Variants in RASL12 observed in about 807,000 individuals in gnomAD.
The protein encoded by RASL12 is ras-like protein family member 12.
In RASL12, 16 loss-of-function variants were observed where a neutral mutation model predicts 22.9. That is an observed-to-expected ratio of 0.70 (90% CI 0.47 to 1.06). The LOEUF is 1.06. RASL12 is among the 50% of genes least tolerant of loss of function. The pLI is 0.00. For synonymous variants in RASL12, 159 were observed against 152.2 expected (o/e 1.04, Z -0.33); for missense variants, 306 against 353.1 (o/e 0.87, Z 1.07).
At chr15:65,052,836 C>A, downstream of RASL12, 1 of 742,500 alleles carries the variant, frequency 1.3e-6, no homozygotes, top group Non-Finnish European at 2.2e-6. Flanking sequence ...CCAACCATTG[C>A]CGCTTCTCCT....
At chr15:65,068,148 C>T (rs1398185382), upstream of RASL12, 1 of 1,012,506 alleles carries the variant, frequency 9.9e-7, no homozygotes, top group Non-Finnish European at 1.2e-6. This position sits in a 1 kb window ranked among gnomAD's most constrained non-coding sequence, Gnocchi z 4.2. Context: ...CCCCCACCGC[C>T]GGGCTGGGCC....
upstream of RASL12, among the ~76,000 whole-genome samples, chr15:65,069,641 C>T (rs188603166): frequency 2.0e-5 from 3 of 152,274 alleles, no homozygotes; most frequent in East Asian, 1.9e-4. Flanking sequence ...AAGATTCTAG[C>T]TCAGTCTGAG....
At chr15:65,059,215 C>T in intron 3 of RASL12, 130 bp downstream of exon 3, 1 of 741,614 alleles carries the variant, frequency 1.3e-6, no homozygotes, top group Non-Finnish European at 2.4e-6. Flanking sequence ...GTGCCTCATT[C>T]AGGGTTACAC....
At chr15:65,046,641 G>A in the RASL12 span, among the ~76,000 whole-genome samples, 1 of 152,236 alleles carries the variant, frequency 6.6e-6, no homozygotes, top group Middle Eastern at 3.4e-3. Flanking sequence ...GGCCAGGCGC[G>A]GTGGCTCATG....
At chr15:65,068,807 T>G (rs1339792348), upstream of RASL12, among the ~76,000 whole-genome samples, 5 of 152,200 alleles carry the variant, frequency 3.3e-5, no homozygotes, top group South Asian at 8.3e-4. This position sits in a 1 kb window ranked among gnomAD's most constrained non-coding sequence, Gnocchi z 4.2. Context: ...CCTGGACACT[T>G]AGGATCTAGT....
chr15:65,058,820 G>T (rs756061915), intron 3 of RASL12, among the ~76,000 whole-genome samples: 1 of 152,266 alleles, frequency 6.6e-6, no homozygotes, highest in African/African-American at 2.4e-5. Context: ...CCACCACCCA[G>T]CCAGAGACTT....
At chr15:65,058,911 G>A (rs904457588) in intron 3 of RASL12, among the ~76,000 whole-genome samples, 1 of 152,272 alleles carries the variant, frequency 6.6e-6, no homozygotes, top group East Asian at 1.9e-4. Context: ...GGGCACCACT[G>A]GTTTTGGGTT....
downstream of RASL12, chr15:65,052,933 C>A: frequency 7.4e-7 from 1 of 1,359,624 alleles, no homozygotes; most frequent in Non-Finnish European, 1.0e-6. Context: ...ACCACTCAGC[C>A]CCCCTCATTA....
downstream of RASL12, among the ~76,000 whole-genome samples, chr15:65,051,802 G>C (rs772516037): frequency 1.3e-5 from 2 of 150,750 alleles, no homozygotes; most frequent in African/African-American, 4.9e-5. Flanking sequence ...AACAGCAACA[G>C]TCCCTGATTA....
chr15:65,046,349 A>T, the RASL12 span, among the ~76,000 whole-genome samples: 1 of 152,096 alleles, frequency 6.6e-6, no homozygotes, highest in Non-Finnish European at 1.5e-5. Flanking sequence ...GGATGCCTAT[A>T]ATCACAGCTA....
intron 2 of RASL12, among the ~76,000 whole-genome samples, chr15:65,059,736 C>T (rs1254275591): frequency 2.0e-5 from 3 of 152,208 alleles, no homozygotes; most frequent in African/African-American, 7.2e-5. Flanking sequence ...CTGTTAGCAG[C>T]ACAGGCTGGC....
chr15:65,059,833 G>A (rs1166141924), intron 2 of RASL12, among the ~76,000 whole-genome samples: 1 of 152,176 alleles, frequency 6.6e-6, no homozygotes, highest in Non-Finnish European at 1.5e-5. Flanking sequence ...GTCCCCAGTG[G>A]GAGAAGAGAC....
intron 3 of RASL12, 38 bp downstream of exon 3, chr15:65,059,307 G>A (rs759325967): frequency 3.5e-5 from 54 of 1,562,028 alleles, no homozygotes; most frequent in Non-Finnish European, 4.8e-5. Context: ...AGGCTATACT[G>A]ACTCACAGCA....
At position 65,054,657 on chromosome 15, in the gene RASL12, G is replaced by T; in HGVS notation, c.*242C>A. ...CCCAGGTCTCTGGGTTGTCACAGTG[G>T]CTGTTTCCCTCTACGGCCACAGACG... On this transcript the variant is annotated 3_prime_UTR_variant, in exon 5 of 5. Transcript: ENST00000220062. 1.5e-6 allele frequency: 2 copies of T among 1,371,666 alleles called. No homozygotes were observed. The highest frequency in any genetic ancestry group is 2.6e-5 in the East Asian group (1 of 38,156). The allele number at this position is 1,371,666 out of a possible 1,614,324, so 85.0% of individuals were successfully genotyped here. A position where few individuals can be genotyped will look rare whatever the true frequency, so the allele number is the denominator to read the frequency against.
intron 1 of RASL12, among the ~76,000 whole-genome samples, chr15:65,074,632 G>C (rs1483400573): frequency 1.3e-5 from 2 of 152,260 alleles, no homozygotes; most frequent in East Asian, 3.9e-4. Flanking sequence ...CCTGACCTCA[G>C]GTGATCAACC....
In RASL12 at chr15:65,067,857, G is replaced by C. The variant is rs2086898177; in HGVS notation, c.-22C>G. 8 of 1,476,072 alleles carry C rather than the reference G, an allele frequency of 5.4e-6. No individual in the cohort carries two copies. The highest frequency in any genetic ancestry group is 7.2e-6 in the Non-Finnish European group (8 of 1,118,782). 91.4% of individuals were successfully genotyped at this position (1,476,072 alleles called of 1,614,324 possible). ...ACATGGCGACGCCCTGGACGGCCAC[G>C]CAGGTCTGCGGCCGGTGGGCCCCGC... On this transcript the variant is annotated 5_prime_UTR_variant, in exon 1 of 5. Coordinates refer to ENST00000220062, the MANE Select transcript of RASL12 (RefSeq NM_016563.4).
At position 65,053,815 on chromosome 15, in the gene RASL12, T is replaced by C; in HGVS notation, c.*1084A>G. Reference sequence around the variant, plus strand: ...TTGGACAGCCTTTTCTTGCTAACAGTGGGATCTCAAAGGTGTGTCCTGATC... The same window carrying C: ...TTGGACAGCCTTTTCTTGCTAACAGCGGGATCTCAAAGGTGTGTCCTGATC... On this transcript the variant is annotated 3_prime_UTR_variant, in exon 5 of 5. Transcript: ENST00000220062. 1 of 986,128 alleles carries C rather than the reference T, an allele frequency of 1.0e-6. No individual in the cohort carries two copies. The highest frequency in any genetic ancestry group is 1.2e-6 in the Non-Finnish European group (1 of 830,180). 61.1% of individuals were successfully genotyped at this position (986,128 alleles called of 1,614,324 possible). A position where few individuals can be genotyped will look rare whatever the true frequency, so the allele number is the denominator to read the frequency against.
intron 2 of RASL12, among the ~76,000 whole-genome samples, 200 bp downstream of exon 2, chr15:65,065,017 C>T (rs755848941): frequency 5.3e-5 from 8 of 152,150 alleles, no homozygotes; most frequent in Non-Finnish European, 1.0e-4. Flanking sequence ...AGGCCAACCC[C>T]CCAGTTGTCT....
Position 65,055,138 on chromosome 15 carries a change from C to G in RASL12, c.562G>C (p.Glu188Gln). 1 of 1,611,036 alleles carries G rather than the reference C, an allele frequency of 6.2e-7. No homozygotes were observed. The highest frequency in any genetic ancestry group is 8.5e-7 in the Non-Finnish European group (1 of 1,179,106). ...EAVREARREL[E>Q]KSPLTRPLFI... ...AGGGGCCGGGTCAGGGGGCTCTTCT[C>G]CAGCTCCCGCCGTGCCTCTCGCACT... The change falls in exon 5 of 5, where the codon GAG (glutamate) becomes CAG (glutamine). Residue 188 changes from glutamate (E) to glutamine (Q), a missense_variant. By Grantham distance (29) the Glu-to-Gln change is conservative. Transcript: ENST00000220062.
Sources: gnomAD v4.1 joint callset for allele counts (sites outside exome capture counted in the v4.1 genomes callset) on GRCh38, gnomAD v4.1.1 for gene constraint, Gnocchi (gnomAD v3.1) non-coding constraint, MANE v1.5 for transcripts, NCBI Gene and HGNC (gene_info 2026-07-23, HGNC 2026-07-21) for gene names.